Variants in GLIS1 observed in about 807,000 individuals in gnomAD.
GLIS1 encodes the protein zinc finger protein GLIS1.
A neutral mutation model predicts 63.8 loss-of-function variants in GLIS1; 24 were observed. The observed-to-expected ratio is 0.38, with a 90% CI of 0.27 to 0.53. The LOEUF is 0.53. Ranked by LOEUF, GLIS1 falls within the 20% of genes least tolerant of loss-of-function variation. The pLI is 0.85. For missense variants in GLIS1, 1,036 were observed against 1,074.1 expected, an observed-to-expected ratio of 0.96 and a Z score of 0.50; for synonymous variants, 450 against 482.5, an observed-to-expected ratio of 0.93 and a Z score of 0.88.
intron 4 of GLIS1, among the ~76,000 whole-genome samples, chr1:53,578,733 T>C (rs900620618): frequency 5.3e-5 from 8 of 152,230 alleles, no homozygotes; most frequent in African/African-American, 1.9e-4. Flanking sequence ...TCTATGTCAA[T>C]TTAACTGCAC....
At position 53,737,894 on chromosome 1, in the gene GLIS1, C is replaced by A. The variant is rs960907512; in HGVS notation, c.171G>T (p.Pro57=). Residue 57 remains proline, a synonymous_variant, in exon 2 of 11, where the codon CCG becomes CCT. Transcript: ENST00000628545. ...CGTGGGCGCGCGGTGGCGGCGCAGG[C>A]GGCCGGGCTAGCAGGTCCCGCGGGC... The part of the protein sequence containing the change: ...DRGPRDLLAR[P]PAPPPRAHDL... 3.3e-6 allele frequency: 4 copies of A among 1,230,610 alleles called. No homozygotes were observed. Among genetic ancestry groups the A allele is most frequent in the Admixed American group, 4.2e-5 (1 of 23,672 alleles). 76.2% of individuals were successfully genotyped at this position (1,230,610 alleles called of 1,614,324 possible).
At chr1:53,587,951 G>T (rs1402742598) in intron 4 of GLIS1, among the ~76,000 whole-genome samples, 1 of 152,140 alleles carries the variant, frequency 6.6e-6, no homozygotes, top group Non-Finnish European at 1.5e-5. Context: ...CTGAGACCTG[G>T]GTTTAAATCC....
At chr1:53,567,586 C>G (rs1644946285) in intron 4 of GLIS1, among the ~76,000 whole-genome samples, 1 of 152,228 alleles carries the variant, frequency 6.6e-6, no homozygotes, top group African/African-American at 2.4e-5. Flanking sequence ...GAGACCTTCA[C>G]AGTAGCCCCT....
At chr1:53,626,098 G>A (rs1431332274) in intron 2 of GLIS1, among the ~76,000 whole-genome samples, 4 of 152,188 alleles carry the variant, frequency 2.6e-5, no homozygotes, top group Admixed American at 2.0e-4. Flanking sequence ...AGTGAGGGCC[G>A]CTCTTAGGAA....
At chr1:53,635,331 A>T (rs1180462116) in intron 2 of GLIS1, among the ~76,000 whole-genome samples, 2 of 152,174 alleles carry the variant, frequency 1.3e-5, no homozygotes, top group Non-Finnish European at 2.9e-5. Context: ...GAAATCTCAT[A>T]TATTTGGAAA....
intron 4 of GLIS1, among the ~76,000 whole-genome samples, chr1:53,548,290 G>C (rs1013933151): frequency 1.3e-5 from 2 of 152,186 alleles, no homozygotes; most frequent in African/African-American, 4.8e-5. Context: ...CTTCAACCTT[G>C]CATGCACATC....
chr1:53,554,875 C>T (rs1010491551), intron 4 of GLIS1, among the ~76,000 whole-genome samples: 32 of 152,218 alleles, frequency 2.1e-4, no homozygotes, highest in African/African-American at 7.7e-4. Flanking sequence ...TGTCCTCCTC[C>T]TAAGCTCCAT....
At chr1:53,689,352 C>T (rs1477866972) in intron 2 of GLIS1, among the ~76,000 whole-genome samples, 2 of 152,206 alleles carry the variant, frequency 1.3e-5, no homozygotes, top group Non-Finnish European at 2.9e-5. Context: ...CAGCTGCCCT[C>T]CTTCTCCTGG....
In GLIS1 at chr1:53,574,581, G is replaced by A. The variant is rs1569852114; in HGVS notation, c.1320+19527C>T. On this transcript the variant is annotated intron_variant, in intron 4 of 10. Transcript: ENST00000628545. This position sits in a 1 kb window ranked among gnomAD's most constrained non-coding sequence, Gnocchi z 4.2. ...AAAGTGACTTTCCCCCGGTCACACAGCACAGCAAGCCCTGGGGACTAGTTT... is the reference window on the plus strand; with the variant it reads ...AAAGTGACTTTCCCCCGGTCACACAACACAGCAAGCCCTGGGGACTAGTTT... Among the ~76,000 whole-genome samples the A allele has an allele frequency of 6.6e-6, 1 of 152,316 alleles. No individual in the cohort carries two copies. The highest frequency in any genetic ancestry group is 1.9e-4 in the East Asian group (1 of 5,184).
intron 4 of GLIS1, among the ~76,000 whole-genome samples, chr1:53,547,716 T>C (rs1401899931): frequency 6.6e-6 from 1 of 152,232 alleles, no homozygotes; most frequent in Non-Finnish European, 1.5e-5. Context: ...ACAAACTTGG[T>C]GAATCAGGCT....
chr1:53,712,596 G>A (rs184526756), intron 2 of GLIS1, among the ~76,000 whole-genome samples: 1,609 of 152,276 alleles, frequency 0.011, 14 homozygotes, highest in Non-Finnish European at 0.017. Flanking sequence ...TTTGAAGGCC[G>A]GGCCCAGCAC....
intron 4 of GLIS1, among the ~76,000 whole-genome samples, chr1:53,587,809 C>A (rs1645151089): frequency 6.6e-6 from 1 of 152,240 alleles, no homozygotes; most frequent in Non-Finnish European, 1.5e-5. Context: ...GGGCACACAG[C>A]AGGTGCTTAG....
intron 2 of GLIS1, among the ~76,000 whole-genome samples, chr1:53,692,522 C>T (rs1319847360): frequency 6.6e-6 from 1 of 152,244 alleles, no homozygotes; most frequent in Non-Finnish European, 1.5e-5. Context: ...TAACCTTCAC[C>T]CAGCCTTGCC....
At chr1:53,645,218 A>T (rs923818342) in intron 2 of GLIS1, among the ~76,000 whole-genome samples, 2 of 152,098 alleles carry the variant, frequency 1.3e-5, no homozygotes, top group African/African-American at 4.8e-5. Flanking sequence ...TCGGATCTTG[A>T]TTCACACATT....
At chr1:53,514,930 AG>A in intron 7 of GLIS1, 149 bp from the exon 8 acceptor site, 1 of 917,824 alleles carries the variant, frequency 1.1e-6, no homozygotes, top group Non-Finnish European at 1.6e-6. Context: ...TAGGGGCCCC[AG>A]TGAGGGAGGT....
At position 53,594,856 on chromosome 1, in the gene GLIS1, A is replaced by G. The variant is rs764876710; in HGVS notation, c.572T>C (p.Leu191Pro). The change falls in exon 4 of 11, where the codon CTG (leucine) becomes CCG (proline). Residue 191 changes from leucine to proline, a missense_variant. Physicochemically the swap from Leu to Pro is moderately conservative, Grantham distance 98. This residue lies in a region of GLIS1 where 592 missense variants were observed against 593.9 expected (regional missense o/e 1.00). Transcript: ENST00000628545. Reference sequence around the variant, plus strand: ...CAGGTCTGGGTGCAGGCCAGTGGCCAGCGGGCCCCGACAGTGGGCAGACAG... The same window carrying G: ...CAGGTCTGGGTGCAGGCCAGTGGCCGGCGGGCCCCGACAGTGGGCAGACAG... ...TSLSAHCRGP[L>P]ATGLHPDLDL... 8.8e-6 allele frequency: 14 copies of G among 1,591,296 alleles called. No homozygotes were observed. The highest frequency in any genetic ancestry group is 9.4e-6 in the Non-Finnish European group (11 of 1,172,692).
chr1:53,652,662 G>C (rs896344632), intron 2 of GLIS1, among the ~76,000 whole-genome samples: 2 of 152,162 alleles, frequency 1.3e-5, no homozygotes, highest in South Asian at 2.1e-4. Context: ...ATAAACGAAT[G>C]AGTCCTCAAT....
At chr1:53,619,367 G>A (rs928688603) in intron 2 of GLIS1, among the ~76,000 whole-genome samples, 10 of 152,194 alleles carry the variant, frequency 6.6e-5, no homozygotes, top group Non-Finnish European at 1.3e-4. Flanking sequence ...TCTTTAGTGG[G>A]GCCGCTGCTT....
chr1:53,706,731 A>G (rs1409321321), intron 2 of GLIS1, among the ~76,000 whole-genome samples: 1 of 152,270 alleles, frequency 6.6e-6, no homozygotes, highest in South Asian at 2.1e-4. Context: ...AAGTCAATAA[A>G]CAAAGGTTGT....
Sources: gnomAD v4.1 joint callset for allele counts (sites outside exome capture counted in the v4.1 genomes callset) on GRCh38, gnomAD v4.1.1 for gene constraint, gnomAD v4.1.1 regional missense constraint, Gnocchi (gnomAD v3.1) non-coding constraint, MANE v1.5 for transcripts, NCBI Gene and HGNC (gene_info 2026-07-23, HGNC 2026-07-21) for gene names.